Variants in TOR1AIP1 observed in about 807,000 individuals in gnomAD.
TOR1AIP1 encodes torsin 1A interacting protein 1.
In TOR1AIP1, 54 loss-of-function variants were observed where a neutral mutation model predicts 63.3. The ratio of observed to expected loss-of-function variants is 0.85; its 90% CI spans 0.69 to 1.07. TOR1AIP1 has a LOEUF of 1.07. Ranked by LOEUF, TOR1AIP1 falls within the 50% of genes least tolerant of loss-of-function variation. TOR1AIP1 has a pLI of 0.00. For synonymous variants in TOR1AIP1, 294 were observed against 273.5 expected (o/e 1.07, Z -0.74); for missense variants, 736 against 715.0 (o/e 1.03, Z -0.33).
chr1:179,889,763 T>C (rs920377665), intron 3 of TOR1AIP1, among the ~76,000 whole-genome samples: 1 of 152,008 alleles, frequency 6.6e-6, no homozygotes, highest in African/African-American at 2.4e-5. Flanking sequence ...CAAGCAGTCC[T>C]CCTGCCTTAG....
At position 179,909,974 on chromosome 1, in the gene TOR1AIP1, G is replaced by C. The variant is rs918699805; in HGVS notation, c.907+1301G>C. On this transcript the variant is annotated intron_variant, in intron 8 of 9. Coordinates refer to ENST00000606911, the MANE Select transcript of TOR1AIP1 (RefSeq NM_015602.4). ...AGACGGGGTTTCGCCATGTTGGCCA[G>C]GTTGGTCTTGAACTGCTGACCTCAA... 2.0e-5 allele frequency among the ~76,000 whole-genome samples: 3 copies of C among 152,218 alleles called. No individual in the cohort carries two copies. In the South Asian group the frequency reaches 6.2e-4, roughly 32 times the overall value.
chr1:179,884,215 A>T (rs572318405), intron 1 of TOR1AIP1, among the ~76,000 whole-genome samples: 2 of 152,314 alleles, frequency 1.3e-5, no homozygotes, highest in Non-Finnish European at 2.9e-5. Context: ...ACTTGGTTTA[A>T]TTCAGTATTT....
intron 1 of TOR1AIP1, among the ~76,000 whole-genome samples, chr1:179,883,459 G>C (rs2148469282): frequency 6.6e-6 from 1 of 152,324 alleles, no homozygotes; most frequent in South Asian, 2.1e-4. Flanking sequence ...AGAGAGGAAG[G>C]AGAAATTTTG....
chr1:179,917,475 G>A lies in TOR1AIP1; in HGVS notation c.988G>A (p.Ala330Thr). 6.2e-7 allele frequency: 1 copy of A among 1,612,680 alleles called. No individual in the cohort carries two copies. The highest frequency in any genetic ancestry group is 8.5e-7 in the Non-Finnish European group (1 of 1,179,838). ...SRQVTGQPQN[A>T]SFVKRNRWWL... Reference sequence around the variant, plus strand: ...AGAAGTGACTGGACAACCCCAAAATGCATCTTTTGTCAAGAGGAACCGGTG... The same window carrying A: ...AGAAGTGACTGGACAACCCCAAAATACATCTTTTGTCAAGAGGAACCGGTG... The change falls in exon 10 of 10, where the codon GCA (alanine) becomes ACA (threonine). Residue 330 changes from alanine (A) to threonine (T), a missense_variant. Ala to Thr is a moderately conservative substitution (Grantham distance 58). Around this residue, in one of 2 missense-constraint regions of TOR1AIP1, gnomAD observed 272 missense variants for 344.1 expected, o/e 0.79. Transcript: ENST00000606911.
Position 179,917,813 on chromosome 1 carries a change from C to T in TOR1AIP1, c.1326C>T (p.Ile442=). The T allele has an allele frequency of 6.2e-7, 1 of 1,614,158 alleles. No homozygotes were observed. Among genetic ancestry groups the T allele is most frequent in the Non-Finnish European group, 8.5e-7 (1 of 1,180,030 alleles). Residue 442 remains isoleucine (I), a synonymous_variant, in exon 10 of 10, where the codon ATC becomes ATT. Coordinates refer to ENST00000606911, the MANE Select transcript of TOR1AIP1 (RefSeq NM_015602.4). ...CTTCTTTTCGTAGTGTCCGTGCCAT[C>T]CGGATTGATGGGACAGATAAAGCTA... ...AYSSFRSVRA[I]RIDGTDKATQ... is the part of the protein sequence containing the mutation.
At chr1:179,887,840 A>G (rs1243828615) in intron 2 of TOR1AIP1, 2 of 152,238 alleles carry the variant, frequency 1.3e-5, no homozygotes, top group Non-Finnish European at 2.9e-5. Context: ...TGCTGTAGTT[A>G]GAGCATTCAT....
At chr1:179,897,015 T>C (rs918656076) in intron 3 of TOR1AIP1, among the ~76,000 whole-genome samples, 9 of 152,212 alleles carry the variant, frequency 5.9e-5, no homozygotes, top group African/African-American at 2.2e-4. Flanking sequence ...TTCATAGATA[T>C]TATTGGATTA....
chr1:179,914,406 G>A (rs1250920763), intron 9 of TOR1AIP1, among the ~76,000 whole-genome samples: 2 of 152,180 alleles, frequency 1.3e-5, no homozygotes, highest in African/African-American at 4.8e-5. Context: ...CTGCAAACCT[G>A]TATTTGAACT....
chr1:179,896,445 G>C (rs150565379), intron 3 of TOR1AIP1, among the ~76,000 whole-genome samples: 1 of 145,810 alleles, frequency 6.9e-6, no homozygotes, highest in African/African-American at 2.5e-5. Flanking sequence ...GTCAGTGACC[G>C]ACCTAAGTGC....
chr1:179,884,569 G>C, intron 1 of TOR1AIP1, 123 bp from the exon 2 acceptor site: 1 of 758,626 alleles, frequency 1.3e-6, no homozygotes, highest in South Asian at 2.1e-5. Flanking sequence ...CTAACCACCT[G>C]TTTCTAAAGA....
In TOR1AIP1 at chr1:179,884,784, C is replaced by G; in HGVS notation, c.553+15C>G. On this transcript the variant is annotated intron_variant, in intron 2 of 9. Coordinates refer to ENST00000606911, the MANE Select transcript of TOR1AIP1 (RefSeq NM_015602.4). ...AGAGGCTCCAGGTAAGAATAGTTAA[C>G]TTTTTGTTTTTCTCCTTACCTACCA... 6.3e-7 allele frequency: 1 copy of G among 1,586,988 alleles called. No homozygotes were observed. Among genetic ancestry groups the G allele is most frequent in the Non-Finnish European group, 8.6e-7 (1 of 1,169,354 alleles).
chr1:179,911,125 A>C (rs1648820072), intron 8 of TOR1AIP1, among the ~76,000 whole-genome samples: 1 of 152,220 alleles, frequency 6.6e-6, no homozygotes, highest in South Asian at 2.1e-4. Flanking sequence ...ACACACCAGA[A>C]GTGTGCATGT....
intron 4 of TOR1AIP1, chr1:179,900,708 C>T (rs1648430649): frequency 6.6e-6 from 1 of 152,224 alleles, no homozygotes; most frequent in Admixed American, 6.5e-5. Context: ...ACATTTTAAG[C>T]ATCTTTTGTC....
intron 8 of TOR1AIP1, among the ~76,000 whole-genome samples, chr1:179,910,774 T>G (rs1648809339): frequency 2.6e-5 from 4 of 152,200 alleles, no homozygotes; most frequent in Admixed American, 2.0e-4. Context: ...TGTCATTTCT[T>G]AGTTCTTAAC....
intron 3 of TOR1AIP1, among the ~76,000 whole-genome samples, chr1:179,896,603 G>A (rs1273450359): frequency 6.6e-6 from 1 of 151,890 alleles, no homozygotes; most frequent in African/African-American, 2.4e-5. Context: ...TAGACGAGAA[G>A]CACCCTACTC....
At position 179,918,249 on chromosome 1, in the gene TOR1AIP1, G is replaced by A; in HGVS notation, c.*10G>A. ...GGGCATCTGCTTATAAGAAGTGAGA[G>A]AGAAGAAAAATCATGTCCCAAGTTC... is the stretch of plus-strand genomic sequence containing the variant. On this transcript the variant is annotated 3_prime_UTR_variant, in exon 10 of 10. Coordinates refer to ENST00000606911, the MANE Select transcript of TOR1AIP1 (RefSeq NM_015602.4). 1 of 1,564,922 alleles carries A rather than the reference G, an allele frequency of 6.4e-7. No homozygotes were observed.
Position 179,917,646 on chromosome 1 carries a change from T to C in TOR1AIP1, c.1159T>C (p.Trp387Arg). ...GTACCAAGGTCAAGATGAGAAGCTG[T>C]GGAAAAGGAGCCAAACATTCCTGGA... ...NKYQGQDEKL[W>R]KRSQTFLEKH... The change falls in exon 10 of 10, where the codon TGG becomes CGG. Residue 387 changes from tryptophan (W) to arginine (R), a missense_variant. Around this residue, in one of 2 missense-constraint regions of TOR1AIP1, gnomAD observed 272 missense variants for 344.1 expected, o/e 0.79. Transcript: ENST00000606911. 6.2e-7 allele frequency: 1 copy of C among 1,614,212 alleles called. No homozygotes were observed. The highest frequency in any genetic ancestry group is 8.5e-7 in the Non-Finnish European group (1 of 1,180,030).
At chr1:179,892,125 C>T (rs977996076) in intron 3 of TOR1AIP1, among the ~76,000 whole-genome samples, 11 of 152,116 alleles carry the variant, frequency 7.2e-5, no homozygotes, top group African/African-American at 2.4e-4. Context: ...ATCATTGTAC[C>T]TTCCTCTAAT....
At chr1:179,906,051 A>G (rs750785864) in intron 6 of TOR1AIP1, among the ~76,000 whole-genome samples, 7 of 152,276 alleles carry the variant, frequency 4.6e-5, no homozygotes, top group East Asian at 1.9e-4. Context: ...TTAAGATACT[A>G]TTGATTTTAT....
Sources: allele counts gnomAD v4.1 joint callset (sites outside exome capture counted in the v4.1 genomes callset), GRCh38; gene constraint gnomAD v4.1.1; regional missense constraint gnomAD v4.1.1; transcripts MANE v1.5; gene names NCBI Gene and HGNC (gene_info 2026-07-23, HGNC 2026-07-21).